Variants in SNX9 observed in about 807,000 individuals in gnomAD.
SNX9 encodes sorting nexin 9.
Under a neutral mutation model 89.4 loss-of-function variants are expected in SNX9, and 44 were observed. That is an observed-to-expected ratio of 0.49 (90% CI 0.39 to 0.63). SNX9 has a LOEUF of 0.63. Ranked by LOEUF, SNX9 falls within the 30% of genes least tolerant of loss-of-function variation. The probability of loss-of-function intolerance (pLI) is 0.00; values close to 1 mark genes in which losing one functional copy is unlikely to be tolerated. For synonymous variants in SNX9, 236 were observed against 247.8 expected, an observed-to-expected ratio of 0.95 and a Z score of 0.45; for missense variants, 578 against 736.1, an observed-to-expected ratio of 0.79 and a Z score of 2.49.
intron 11 of SNX9, 39 bp from the exon 12 acceptor site, chr6:157,928,560 T>A: frequency 6.6e-7 from 1 of 1,520,412 alleles, no homozygotes; most frequent in Non-Finnish European, 9.0e-7. Context: ...CAGTGCTGTT[T>A]CTCCTGCTTA....
chr6:157,937,253 A>G (rs974599362), intron 14 of SNX9, among the ~76,000 whole-genome samples, 181 bp from the exon 15 acceptor site: 5 of 152,270 alleles, frequency 3.3e-5, no homozygotes, highest in East Asian at 3.8e-4. Flanking sequence ...TTTACAACAT[A>G]TGATTCAAAG....
intron 1 of SNX9, among the ~76,000 whole-genome samples, chr6:157,861,595 C>T (rs1462470210): frequency 6.6e-6 from 1 of 152,170 alleles, no homozygotes; most frequent in African/African-American, 2.4e-5. Flanking sequence ...ATTTAGTTCA[C>T]ATAACAGTGG....
intron 1 of SNX9, among the ~76,000 whole-genome samples, chr6:157,844,092 C>T (rs191745544): frequency 6.6e-6 from 1 of 152,100 alleles, no homozygotes; most frequent in East Asian, 1.9e-4. Flanking sequence ...CCTGGCTGGT[C>T]TCGAACTCCT....
At chr6:157,861,337 G>C (rs761781154) in intron 1 of SNX9, among the ~76,000 whole-genome samples, 26 of 152,122 alleles carry the variant, frequency 1.7e-4, no homozygotes, top group Admixed American at 1.3e-3. Flanking sequence ...ATAATTAATT[G>C]ACCCGCATCC....
At chr6:157,860,866 C>A (rs1782107210) in intron 1 of SNX9, among the ~76,000 whole-genome samples, 1 of 152,194 alleles carries the variant, frequency 6.6e-6, no homozygotes, top group Non-Finnish European at 1.5e-5. Flanking sequence ...CCTTTTGTTA[C>A]ACTCAGATTT....
chr6:157,882,322 T>C (rs563511403), intron 4 of SNX9, among the ~76,000 whole-genome samples: 1 of 152,362 alleles, frequency 6.6e-6, no homozygotes, highest in South Asian at 2.1e-4. Context: ...AAAATATTAC[T>C]GCTCATTGAC....
At chr6:157,921,687 C>T in intron 10 of SNX9, 26 bp downstream of exon 10, 3 of 1,603,094 alleles carry the variant, frequency 1.9e-6, no homozygotes, top group Non-Finnish European at 2.6e-6. Context: ...AATATGGCAT[C>T]AGAGAATATT....
chr6:157,887,990 C>A, intron 4 of SNX9, among the ~76,000 whole-genome samples: 1 of 152,200 alleles, frequency 6.6e-6, no homozygotes, highest in Non-Finnish European at 1.5e-5. Flanking sequence ...GCGCATCAGT[C>A]AGTTACCTCT....
chr6:157,840,420 T>TTTCC lies in SNX9; in HGVS notation c.12+16976_12+16977insCCTT, dbSNP rs199981713. On this transcript the variant is annotated intron_variant, in intron 1 of 17. Transcript: ENST00000392185. ...TTACAAAAAATACTTTCTTTCTTTC[T>TTTCC]TTTCTTTCTTTTCTTTCCTTTCTTT... 1.6e-3 allele frequency among the ~76,000 whole-genome samples: 189 copies of TTTCC among 118,656 alleles called. 4 individuals are homozygous for TTTCC. The highest frequency in any genetic ancestry group is 4.6e-3 in the African/African-American group (141 of 30,342). 77.8% of individuals were successfully genotyped at this position (118,656 alleles called of 152,430 possible). A position where few individuals can be genotyped will look rare whatever the true frequency, so the allele number is the denominator to read the frequency against.
chr6:157,890,270 C>T (rs910188698), intron 4 of SNX9, among the ~76,000 whole-genome samples: 1 of 152,218 alleles, frequency 6.6e-6, no homozygotes, highest in East Asian at 1.9e-4. Flanking sequence ...TCCCCCACCC[C>T]TCGTGGCCAT....
At chr6:157,888,717 A>AT (rs1782789762) in intron 4 of SNX9, among the ~76,000 whole-genome samples, 2 of 152,196 alleles carry the variant, frequency 1.3e-5, no homozygotes, top group South Asian at 4.1e-4. Flanking sequence ...CCTAAAAGTC[A>AT]TCTTTTTTTC....
chr6:157,878,429 C>T (rs1782558994), intron 4 of SNX9, among the ~76,000 whole-genome samples: 1 of 147,778 alleles, frequency 6.8e-6, no homozygotes, highest in South Asian at 2.1e-4. Context: ...TGGAAGCCCA[C>T]CATTTTTTTT....
intron 4 of SNX9, chr6:157,892,797 C>T (rs1270453351): frequency 1.3e-5 from 2 of 152,376 alleles, no homozygotes; most frequent in Non-Finnish European, 2.9e-5. Context: ...CCTGTTCTAG[C>T]TCACAGTCCT....
At chr6:157,893,273 T>C (rs796416254) in intron 4 of SNX9, among the ~76,000 whole-genome samples, 11 of 152,322 alleles carry the variant, frequency 7.2e-5, no homozygotes, top group African/African-American at 2.6e-4. Context: ...AATGTCACCT[T>C]GTAAAGCTGT....
At chr6:157,875,207 C>T (rs1782495187) in intron 4 of SNX9, 31 bp downstream of exon 4, 3 of 1,590,608 alleles carry the variant, frequency 1.9e-6, no homozygotes, top group African/African-American at 2.7e-5. Context: ...CTGGATGTGG[C>T]TGGCTTTACG....
At chr6:157,934,375 ATG>A (rs1783879231) in intron 13 of SNX9, 2 of 152,238 alleles carry the variant, frequency 1.3e-5, no homozygotes, top group African/African-American at 4.8e-5. Flanking sequence ...CTTTGGAATA[ATG>A]TAAATGCTTT....
At chr6:157,941,133 C>T (rs968083531) in intron 17 of SNX9, among the ~76,000 whole-genome samples, 159 bp downstream of exon 17, 5 of 152,174 alleles carry the variant, frequency 3.3e-5, no homozygotes, top group African/African-American at 7.2e-5. Flanking sequence ...CTCCTAATTC[C>T]ATCTGCCCTT....
At chr6:157,848,378 C>T (rs961632210) in intron 1 of SNX9, among the ~76,000 whole-genome samples, 2 of 152,000 alleles carry the variant, frequency 1.3e-5, no homozygotes, top group African/African-American at 4.8e-5. Flanking sequence ...ATTCTTCCCC[C>T]AAACCGTGGT....
intron 4 of SNX9, among the ~76,000 whole-genome samples, chr6:157,888,637 CCTTCTCCTTCTT>C (rs1782787759): frequency 7.0e-6 from 1 of 143,484 alleles, no homozygotes; most frequent in South Asian, 2.1e-4. Context: ...TTCTCCTTCT[CCTTCTCCTTCTT>C]CCATATATAA....
Sources: allele counts gnomAD v4.1 joint callset (sites outside exome capture counted in the v4.1 genomes callset), GRCh38; gene constraint gnomAD v4.1.1; transcripts MANE v1.5; gene names NCBI Gene and HGNC (gene_info 2026-07-23, HGNC 2026-07-21).